MTMR12: variants seen among roughly 807,000 people sequenced by gnomAD.
The protein encoded by MTMR12 is myotubularin-related protein 12.
Under a neutral mutation model 96.7 loss-of-function variants are expected in MTMR12, and 33 were observed. That is an observed-to-expected ratio of 0.34 (90% CI 0.26 to 0.46). MTMR12 has a LOEUF of 0.46. Among genes scored for constraint, MTMR12 ranks in the 20% least tolerant of loss-of-function variants. MTMR12 has a pLI of 1.00. For synonymous variants in MTMR12, 298 were observed against 327.2 expected, an observed-to-expected ratio of 0.91 and a Z score of 0.96; for missense variants, 721 against 896.1, an observed-to-expected ratio of 0.80 and a Z score of 2.49.
Position 32,276,741 on chromosome 5 carries a change from T to G in MTMR12, c.83A>C (p.Glu28Ala). 2 of 1,613,280 alleles carry G rather than the reference T, an allele frequency of 1.2e-6. No individual in the cohort carries two copies. Among genetic ancestry groups the G allele is most frequent in the Non-Finnish European group, 1.7e-6 (2 of 1,179,330 alleles). Residue 28 changes from glutamate (E) to alanine (A), a missense_variant and splice_region_variant, in exon 2 of 16, where the codon GAA becomes GCA. Glu to Ala is a moderately radical substitution (Grantham distance 107, BLOSUM62 -1). Transcript: ENST00000382142. ...TACTTCCTTTTCGTTTGTGTGAATT[T>G]CCTAAAAGAGAAGAGCAAAGGATAT... is the stretch of plus-strand genomic sequence containing the variant. The part of the protein sequence containing the change: ...PSFVSYVRPE[E>A]IHTNEKEVTE...
chr5:32,276,693 T>C lies in MTMR12; in HGVS notation c.131A>G (p.His44Arg). ...KEVTEKEVTLHLLPGEQLLCE... is the reference protein window; with the variant it reads ...KEVTEKEVTLRLLPGEQLLCE... Reference sequence around the variant, plus strand: ...AACATGACAGTTACCTGGCAACAAGTGAAGAGTTACTTCCTTCTCTGTTAC... The same window carrying C: ...AACATGACAGTTACCTGGCAACAAGCGAAGAGTTACTTCCTTCTCTGTTAC... Residue 44 changes from histidine (H) to arginine (R), a missense_variant, in exon 2 of 16, where the codon CAC becomes CGC. His to Arg is a conservative substitution (Grantham distance 29, BLOSUM62 0). Transcript: ENST00000382142. 1 of 1,613,766 alleles carries C rather than the reference T, an allele frequency of 6.2e-7. No homozygotes were observed. The highest frequency in any genetic ancestry group is 1.1e-5 in the South Asian group (1 of 91,056).
intron 12 of MTMR12, among the ~76,000 whole-genome samples, chr5:32,240,785 G>A (rs1178004529): frequency 6.6e-6 from 1 of 152,122 alleles, no homozygotes; most frequent in Non-Finnish European, 1.5e-5. Flanking sequence ...ATTATTAGTA[G>A]AGACAGGGTT....
At chr5:32,283,476 C>T (rs905293596) in intron 1 of MTMR12, among the ~76,000 whole-genome samples, 4 of 152,066 alleles carry the variant, frequency 2.6e-5, no homozygotes, top group Non-Finnish European at 5.9e-5. Flanking sequence ...GTTATTATAC[C>T]CATGATTGTC....
intron 1 of MTMR12, among the ~76,000 whole-genome samples, chr5:32,283,016 G>C (rs964161795): frequency 6.6e-6 from 1 of 152,212 alleles, no homozygotes; most frequent in East Asian, 1.9e-4. Flanking sequence ...AGGTACGAGA[G>C]CACCCGTATC....
At chr5:32,302,977 A>G (rs1423732101) in intron 1 of MTMR12, among the ~76,000 whole-genome samples, 1 of 152,224 alleles carries the variant, frequency 6.6e-6, no homozygotes, top group Non-Finnish European at 1.5e-5. Flanking sequence ...CAACATGGCA[A>G]CAATCACAAC....
At chr5:32,251,726 A>G (rs1362543900) in intron 8 of MTMR12, among the ~76,000 whole-genome samples, 3 of 152,196 alleles carry the variant, frequency 2.0e-5, no homozygotes, top group African/African-American at 7.2e-5. Context: ...GACTTGGGAA[A>G]GGCAACCATA....
intron 2 of MTMR12, 49 bp downstream of exon 2, chr5:32,276,633 T>C (rs1750060954): frequency 6.8e-7 from 1 of 1,478,938 alleles, no homozygotes; most frequent in Non-Finnish European, 9.4e-7. Context: ...ATGTAATTTA[T>C]CATTGGCTTT....
rs1561723966 is a variant in MTMR12, at chr5:32,227,497, C to T, written c.*2281G>A. On this transcript the variant is annotated 3_prime_UTR_variant, in exon 16 of 16. Coordinates refer to ENST00000382142, the MANE Select transcript of MTMR12 (RefSeq NM_001040446.3). ...AATCATAGAAAAATATGTCAATGCA[C>T]ATTCAACTGCTATGACAAAGGCCAT... The T allele has an allele frequency of 6.6e-6, 1 of 152,634 alleles. No homozygotes were observed. The highest frequency in any genetic ancestry group is 1.5e-5 in the Non-Finnish European group (1 of 68,042). 9.5% of individuals were successfully genotyped at this position (152,634 alleles called of 1,614,324 possible).
intron 10 of MTMR12, among the ~76,000 whole-genome samples, chr5:32,246,169 A>AGGTTTTTTTTTTT (rs1554056243): frequency 2.3e-4 from 30 of 130,806 alleles, no homozygotes; most frequent in Middle Eastern, 3.9e-3. Context: ...TTGAGTAGAC[A>AGGTTTTTTTTTTT]GTTTTTTTTT....
At chr5:32,268,933 G>C (rs1378297905) in intron 5 of MTMR12, 139 bp from the exon 6 acceptor site, 5 of 592,942 alleles carry the variant, frequency 8.4e-6, no homozygotes, top group Non-Finnish European at 1.5e-5. Flanking sequence ...TTTGAGATCT[G>C]TATCTATGAC....
At chr5:32,268,464 T>C (rs1749693674) in intron 6 of MTMR12, among the ~76,000 whole-genome samples, 1 of 149,040 alleles carries the variant, frequency 6.7e-6, no homozygotes, top group Non-Finnish European at 1.5e-5. Context: ...GCCAAAATCA[T>C]GCCATTGCAC....
At chr5:32,237,238 T>G (rs1748275008) in intron 13 of MTMR12, among the ~76,000 whole-genome samples, 1 of 152,218 alleles carries the variant, frequency 6.6e-6, no homozygotes. Flanking sequence ...GTGAGTTGAT[T>G]AAAGAAAGTT....
intron 1 of MTMR12, among the ~76,000 whole-genome samples, chr5:32,281,155 C>T (rs1347021664): frequency 6.8e-6 from 1 of 147,036 alleles, no homozygotes. Flanking sequence ...GGCTGAGGCA[C>T]GAAAATAGCT....
intron 5 of MTMR12, among the ~76,000 whole-genome samples, chr5:32,269,790 T>C (rs1192478989): frequency 2.0e-5 from 3 of 152,186 alleles, no homozygotes; most frequent in Admixed American, 1.3e-4. Flanking sequence ...TTCTGATCCA[T>C]TGTTGAGGCC....
intron 10 of MTMR12, chr5:32,247,709 A>G (rs1388457641): frequency 2.0e-6 from 2 of 979,410 alleles, no homozygotes; most frequent in East Asian, 1.1e-4. Context: ...AAAACTTTTA[A>G]AGGAAGAAAC....
In MTMR12 at chr5:32,312,671, G is replaced by C; in HGVS notation, c.81+87C>G. 2 of 1,206,944 alleles carry C rather than the reference G, an allele frequency of 1.7e-6. No individual in the cohort carries two copies. The highest frequency in any genetic ancestry group is 1.1e-6 in the Non-Finnish European group (1 of 945,934). The allele number at this position is 1,206,944 out of a possible 1,614,324, so 74.8% of individuals were successfully genotyped here. A position where few individuals can be genotyped will look rare whatever the true frequency, so the allele number is the denominator to read the frequency against. ...GCACAAGGGCAGGAAGCGCTCCGCG[G>C]CGCTCCCCGCTGCAAGGAAGGGGCT... On this transcript the variant is annotated intron_variant, in intron 1 of 15. Coordinates refer to ENST00000382142, the MANE Select transcript of MTMR12 (RefSeq NM_001040446.3). This position sits in a 1 kb window ranked among gnomAD's most constrained non-coding sequence, Gnocchi z 5.0.
chr5:32,300,784 A>G (rs1751111675), intron 1 of MTMR12, among the ~76,000 whole-genome samples: 2 of 152,188 alleles, frequency 1.3e-5, no homozygotes, highest in South Asian at 4.1e-4. Flanking sequence ...GCATAAAGAG[A>G]TTTGTAGGGG....
At chr5:32,247,382 T>C (rs1315509967) in intron 10 of MTMR12, among the ~76,000 whole-genome samples, 3 of 152,076 alleles carry the variant, frequency 2.0e-5, no homozygotes, top group Non-Finnish European at 2.9e-5. Context: ...GGAAAAGTTA[T>C]CTATAGGCAT....
chr5:32,245,278 C>T (rs575320042), intron 10 of MTMR12, among the ~76,000 whole-genome samples: 5 of 152,260 alleles, frequency 3.3e-5, no homozygotes, highest in East Asian at 1.9e-4. Context: ...TCTGGTGATC[C>T]GCCCACCTCG....
Sources: gnomAD v4.1 joint callset for allele counts (sites outside exome capture counted in the v4.1 genomes callset) on GRCh38, gnomAD v4.1.1 for gene constraint, Gnocchi (gnomAD v3.1) non-coding constraint, MANE v1.5 for transcripts, NCBI Gene and HGNC (gene_info 2026-07-23, HGNC 2026-07-21) for gene names.